Variants in IQSEC1 observed in about 807,000 individuals in gnomAD.
IQSEC1 encodes the protein IQ motif and SEC7 domain-containing protein 1.
In IQSEC1, 31 loss-of-function variants were observed where a neutral mutation model predicts 91.0. That is an observed-to-expected ratio of 0.34 (90% CI 0.26 to 0.46). The LOEUF (loss-of-function observed/expected upper bound fraction) is 0.46. Ranked by LOEUF, IQSEC1 falls within the 20% of genes least tolerant of loss-of-function variation. The pLI is 1.00. For missense variants in IQSEC1, 1,388 were observed against 1,575.6 expected (o/e 0.88, Z 2.02); for synonymous variants, 699 against 662.6 (o/e 1.05, Z -0.84).
intron 1 of IQSEC1, among the ~76,000 whole-genome samples, chr3:13,239,874 G>A (rs73136109): frequency 0.036 from 5,494 of 152,260 alleles, 316 homozygotes; most frequent in African/African-American, 0.12. Flanking sequence ...GAGGGGCTGC[G>A]GGTGGGGAGT....
chr3:13,046,265 T>A (rs986818263), intron 1 of IQSEC1, among the ~76,000 whole-genome samples: 3 of 152,228 alleles, frequency 2.0e-5, no homozygotes, highest in African/African-American at 7.2e-5. Context: ...GATATGTGGG[T>A]GTGACTGTGG....
At chr3:12,929,599 T>C (rs1192456117) in intron 3 of IQSEC1, among the ~76,000 whole-genome samples, 1 of 152,150 alleles carries the variant, frequency 6.6e-6, no homozygotes, top group Admixed American at 6.5e-5. Flanking sequence ...AAAAATTCCC[T>C]CTACCCTCCG....
chr3:13,021,230 C>T (rs1038804997), intron 1 of IQSEC1, among the ~76,000 whole-genome samples: 2 of 152,216 alleles, frequency 1.3e-5, no homozygotes, highest in Non-Finnish European at 2.9e-5. Flanking sequence ...CTTCCTGCGC[C>T]CTGGTCTCCC....
At chr3:13,215,289 C>G (rs116616349) in intron 1 of IQSEC1, among the ~76,000 whole-genome samples, 2 of 151,454 alleles carry the variant, frequency 1.3e-5, no homozygotes, top group Non-Finnish European at 2.9e-5. Context: ...GAAATCCACA[C>G]GGCTGCCTGA....
At chr3:13,105,124 C>A (rs959644932) in intron 2 of IQSEC1, among the ~76,000 whole-genome samples, 1 of 152,184 alleles carries the variant, frequency 6.6e-6, no homozygotes, top group South Asian at 2.1e-4. Context: ...GCTCGGCATT[C>A]AAGGTCTTTC....
chr3:13,074,622 C>A, upstream of IQSEC1, among the ~76,000 whole-genome samples: 1 of 152,162 alleles, frequency 6.6e-6, no homozygotes, highest in East Asian at 1.9e-4. Flanking sequence ...AGCAACTGGC[C>A]CAAGCCACAT....
At chr3:13,021,280 G>T (rs1408686004) in intron 1 of IQSEC1, among the ~76,000 whole-genome samples, 1 of 152,160 alleles carries the variant, frequency 6.6e-6, no homozygotes, top group African/African-American at 2.4e-5. Context: ...ATCACAGATG[G>T]TGTCCCCTCC....
intron 2 of IQSEC1, among the ~76,000 whole-genome samples, chr3:13,128,001 G>A (rs1559260641): frequency 6.6e-6 from 1 of 152,190 alleles, no homozygotes; most frequent in Non-Finnish European, 1.5e-5. Flanking sequence ...TTCTGTGTGT[G>A]TGTGCTGATC....
chr3:13,204,103 C>A (rs932010041), intron 1 of IQSEC1, among the ~76,000 whole-genome samples: 1 of 152,240 alleles, frequency 6.6e-6, no homozygotes. Context: ...GCACTCTACA[C>A]CTTCATGGGC....
At chr3:13,244,175 G>A (rs1695069899) in intron 1 of IQSEC1, among the ~76,000 whole-genome samples, 6 of 152,226 alleles carry the variant, frequency 3.9e-5, no homozygotes, top group Admixed American at 2.6e-4. Flanking sequence ...ATTTAAAAAA[G>A]TTGATAACAA....
chr3:13,051,903 TA>T lies in IQSEC1; in HGVS notation c.23+21088del, dbSNP rs1026096763. On this transcript the variant is annotated intron_variant, in intron 1 of 13. Transcript: ENST00000613206. Reference sequence around the variant, plus strand: ...AGACCAAGTTCCTGCGCCTAGGGCTTAAAAAAAAAAACTGTTTATTTTGAAA... The same window carrying T: ...AGACCAAGTTCCTGCGCCTAGGGCTTAAAAAAAAAACTGTTTATTTTGAAA... Among the ~76,000 whole-genome samples the T allele has an allele frequency of 2.4e-3, 354 of 147,048 alleles. 2 individuals carry two copies. The highest frequency in any genetic ancestry group is 7.4e-3 in the African/African-American group (299 of 40,204).
At chr3:13,036,172 C>T (rs527921593) in intron 1 of IQSEC1, among the ~76,000 whole-genome samples, 3 of 152,198 alleles carry the variant, frequency 2.0e-5, no homozygotes, top group South Asian at 2.1e-4. Flanking sequence ...TCATAACAAC[C>T]GCGACAGTTA....
chr3:13,016,448 G>A (rs1020958353), intron 1 of IQSEC1, among the ~76,000 whole-genome samples: 1 of 152,188 alleles, frequency 6.6e-6, no homozygotes, highest in Non-Finnish European at 1.5e-5. Flanking sequence ...CCCGGGTGAC[G>A]GTTTTAAAAC....
chr3:13,037,912 T>C (rs904273354), intron 1 of IQSEC1, among the ~76,000 whole-genome samples: 5 of 151,980 alleles, frequency 3.3e-5, no homozygotes, highest in African/African-American at 1.2e-4. Flanking sequence ...ATAAAAAAGT[T>C]CTGGAGATGG....
At chr3:13,266,461 A>C (rs959145596) in intron 1 of IQSEC1, among the ~76,000 whole-genome samples, 3 of 152,216 alleles carry the variant, frequency 2.0e-5, no homozygotes, top group Non-Finnish European at 4.4e-5. Context: ...CGGGGAGCCC[A>C]CAGGCCCCTG....
intron 2 of IQSEC1, among the ~76,000 whole-genome samples, chr3:13,146,705 T>G (rs1481014451): frequency 6.6e-6 from 1 of 152,080 alleles, no homozygotes; most frequent in Non-Finnish European, 1.5e-5. Flanking sequence ...CCAGGCGTGA[T>G]GGGGGACGCC....
In IQSEC1 at chr3:12,901,283, G is replaced by A. The variant is rs1186646606; in HGVS notation, c.3045C>T (p.Pro1015=). ...QHSVAGHHLG[P]PEGLPQAAMH... is the part of the protein sequence containing the mutation. ...TGGCGGCCTGCGGCAGCCCCTCTGG[G>A]GGCCCCAGGTGGTGGCCAGCCACAG... is the stretch of plus-strand genomic sequence containing the variant. Residue 1015 remains proline (P), a synonymous_variant, in exon 14 of 14, where the codon CCC becomes CCT. Coordinates refer to ENST00000613206, the MANE Select transcript of IQSEC1 (RefSeq NM_001134382.3). The A allele has an allele frequency of 1.0e-5, 16 of 1,548,436 alleles. No homozygotes were observed. Among genetic ancestry groups the A allele is most frequent in the Non-Finnish European group, 1.3e-5 (15 of 1,146,704 alleles).
rs1576319130 is a variant in IQSEC1 at position 13,274,245 on chromosome 3, G to T, written c.272+8466C>A. Among the ~76,000 whole-genome samples the T allele has an allele frequency of 2.0e-5, 3 of 152,198 alleles. No individual in the cohort carries two copies. The South Asian group carries it at 6.2e-4, about 32-fold the overall frequency. On this transcript the variant is annotated intron_variant, in intron 1 of 15. Coordinates refer to the IQSEC1 transcript ENST00000648114. ...TGTCCCCCAACACCACCAGACACGTGCTAAGGACTTCTCACCTGAGCGCTG... is the reference window on the plus strand; with the variant it reads ...TGTCCCCCAACACCACCAGACACGTTCTAAGGACTTCTCACCTGAGCGCTG...
chr3:13,130,169 C>G (rs1471388083), intron 2 of IQSEC1, among the ~76,000 whole-genome samples: 1 of 150,478 alleles, frequency 6.6e-6, no homozygotes, highest in East Asian at 2.0e-4. Context: ...CATGGTGAAA[C>G]CCCGCCTCTA....
Sources: gnomAD v4.1 joint callset for allele counts (sites outside exome capture counted in the v4.1 genomes callset) on GRCh38, gnomAD v4.1.1 for gene constraint, MANE v1.5 for transcripts, NCBI Gene and HGNC (gene_info 2026-07-23, HGNC 2026-07-21) for gene names.